Variants in KAZN observed in about 807,000 individuals in gnomAD.
KAZN encodes kazrin.
KAZN carries 40 observed loss-of-function variants against 87.4 expected under a neutral mutation model. The ratio of observed to expected loss-of-function variants is 0.46; its 90% CI spans 0.36 to 0.60. KAZN has a LOEUF of 0.60. Among genes scored for constraint, KAZN ranks in the 20% least tolerant of loss-of-function variants. The probability of loss-of-function intolerance (pLI) is 0.00; values close to 1 mark genes in which losing one functional copy is unlikely to be tolerated. For missense variants in KAZN, 898 were observed against 1,073.9 expected (o/e 0.84, Z 2.29); for synonymous variants, 466 against 458.3 (o/e 1.02, Z -0.22).
At chr1:14,453,993 AT>A (rs141976110) in intron 2 of KAZN, among the ~76,000 whole-genome samples, 3,600 of 152,338 alleles carry the variant, frequency 0.024, 53 homozygotes, top group Middle Eastern at 0.065. Context: ...TACAGCATGT[AT>A]TTTTAGGACA....
intron 1 of KAZN, among the ~76,000 whole-genome samples, chr1:14,086,076 C>T (rs1643844448): frequency 6.6e-6 from 1 of 152,110 alleles, no homozygotes; most frequent in Admixed American, 6.5e-5. Context: ...GTTCAAATCC[C>T]TTGCTCATAT....
chr1:14,909,125 A>G (rs1656941238), intron 1 of KAZN, among the ~76,000 whole-genome samples: 1 of 152,218 alleles, frequency 6.6e-6, no homozygotes, highest in Non-Finnish European at 1.5e-5. Flanking sequence ...CTTCCATAAA[A>G]AGGACATAAA....
At chr1:14,016,917 T>C (rs996283247) in intron 1 of KAZN, among the ~76,000 whole-genome samples, 1 of 152,226 alleles carries the variant, frequency 6.6e-6, no homozygotes, top group African/African-American at 2.4e-5. Context: ...TCCGGGTTAA[T>C]TCAGGAGCAG....
intron 2 of KAZN, among the ~76,000 whole-genome samples, chr1:15,023,047 G>C (rs905853794): frequency 2.0e-5 from 3 of 152,214 alleles, no homozygotes; most frequent in Non-Finnish European, 4.4e-5. Flanking sequence ...CCTTCAGGTG[G>C]CCTCTAGGCT....
chr1:13,918,819 G>A (rs535954921), intron 1 of KAZN, among the ~76,000 whole-genome samples: 463 of 152,298 alleles, frequency 3.0e-3, no homozygotes, highest in African/African-American at 0.011. Flanking sequence ...GCTCAGAAGA[G>A]TATTAGCATT....
At chr1:13,932,670 T>C (rs1360609510) in intron 1 of KAZN, among the ~76,000 whole-genome samples, 2 of 152,214 alleles carry the variant, frequency 1.3e-5, no homozygotes, top group Non-Finnish European at 2.9e-5. Flanking sequence ...CATGAGATAG[T>C]TGGCCACAGT....
intron 2 of KAZN, among the ~76,000 whole-genome samples, chr1:14,365,036 C>T (rs1659853629): frequency 6.6e-6 from 1 of 151,712 alleles, no homozygotes; most frequent in South Asian, 2.1e-4. Context: ...AGCCACCATG[C>T]CCGGCCCCCT....
At chr1:14,707,714 A>ACACGGCAGCCACAGCTGCTG (rs1642282817) in intron 1 of KAZN, among the ~76,000 whole-genome samples, 1 of 152,218 alleles carries the variant, frequency 6.6e-6, no homozygotes, top group Admixed American at 6.5e-5. Context: ...CGTGTCAGTC[A>ACACGGCAGCCACAGCTGCTG]TCAGGAAACC....
intron 1 of KAZN, among the ~76,000 whole-genome samples, chr1:14,021,988 G>A (rs1640848661): frequency 8.3e-6 from 1 of 119,940 alleles, no homozygotes; most frequent in Admixed American, 1.2e-4. Flanking sequence ...GACTTCTCAG[G>A]TGCAATGCAT....
intron 1 of KAZN, among the ~76,000 whole-genome samples, chr1:14,161,925 A>G (rs1645718597): frequency 1.3e-5 from 2 of 152,200 alleles, no homozygotes; most frequent in African/African-American, 2.4e-5. Context: ...GAGAGAAGTT[A>G]CCTCCTTCTC....
intron 2 of KAZN, among the ~76,000 whole-genome samples, chr1:14,336,404 A>G (rs137973104): frequency 0.01 from 1,570 of 152,316 alleles, 26 homozygotes; most frequent in African/African-American, 0.036. Flanking sequence ...GTTTGGGGCT[A>G]TAACGAAGGA....
chr1:14,196,097 C>T lies in KAZN; in HGVS notation c.249+15505C>T, dbSNP rs76335350. ...ACAAGGAACAGCAGGTGTCAAGGCC[C>T]TGAGTCAGGAGGATGTCTCAACTTT... is the stretch of plus-strand genomic sequence containing the variant. On this transcript the variant is annotated intron_variant, in intron 2 of 16. Coordinates refer to the KAZN transcript ENST00000636203. Among the ~76,000 whole-genome samples the T allele has an allele frequency of 1.8e-3, 269 of 152,214 alleles. 5 individuals are homozygous for T. The highest frequency in any genetic ancestry group is 0.012 in the Admixed American group (185 of 15,290).
intron 1 of KAZN, among the ~76,000 whole-genome samples, chr1:14,110,049 G>T (rs1644466575): frequency 7.7e-6 from 1 of 130,352 alleles, no homozygotes; most frequent in Non-Finnish European, 1.6e-5. Flanking sequence ...GCAATAATAT[G>T]TTGTGATTAA....
intron 2 of KAZN, among the ~76,000 whole-genome samples, chr1:14,553,778 G>A (rs916890505): frequency 6.6e-6 from 1 of 152,154 alleles, no homozygotes; most frequent in African/African-American, 2.4e-5. Context: ...GTTGTCAGGC[G>A]CCAGGGCAGC....
chr1:14,770,344 G>A (rs1273408276), intron 1 of KAZN, among the ~76,000 whole-genome samples: 1 of 152,196 alleles, frequency 6.6e-6, no homozygotes, highest in Non-Finnish European at 1.5e-5. Context: ...GAGGATGGTA[G>A]CTTGGACCAG....
At chr1:15,035,856 G>A (rs906054486) in intron 3 of KAZN, among the ~76,000 whole-genome samples, 2 of 152,044 alleles carry the variant, frequency 1.3e-5, no homozygotes, top group African/African-American at 4.8e-5. Context: ...GCCCTGCGTA[G>A]GCACCTTGGT....
intron 1 of KAZN, among the ~76,000 whole-genome samples, chr1:14,865,779 G>A (rs1164416734): frequency 6.6e-6 from 1 of 152,130 alleles, no homozygotes; most frequent in Admixed American, 6.5e-5. Flanking sequence ...AGATTTACTG[G>A]AATAGGGTGA....
chr1:14,331,598 A>T (rs540060974), intron 2 of KAZN, among the ~76,000 whole-genome samples: 7 of 152,184 alleles, frequency 4.6e-5, no homozygotes, highest in Non-Finnish European at 1.0e-4. Context: ...TGTGGTTTGT[A>T]ATACACATTT....
At chr1:15,024,709 G>A (rs1671012668) in intron 2 of KAZN, among the ~76,000 whole-genome samples, 1 of 152,196 alleles carries the variant, frequency 6.6e-6, no homozygotes, top group Non-Finnish European at 1.5e-5. Flanking sequence ...TCACCTCTGT[G>A]GGAAGCACAA....
Sources: allele counts gnomAD v4.1 joint callset (sites outside exome capture counted in the v4.1 genomes callset), GRCh38; gene constraint gnomAD v4.1.1; transcripts MANE v1.5; gene names NCBI Gene and HGNC (gene_info 2026-07-23, HGNC 2026-07-21).